Variants in ULK4 observed in about 807,000 individuals in gnomAD.
The protein encoded by ULK4 is inactive serine/threonine-protein kinase ULK4.
In ULK4, 133 loss-of-function variants were observed where a neutral mutation model predicts 160.6. The ratio of observed to expected loss-of-function variants is 0.83; its 90% CI spans 0.72 to 0.96. The LOEUF is 0.96. ULK4 is among the 40% of genes least tolerant of loss of function. The pLI is 0.00. For missense variants in ULK4, 1,580 were observed against 1,499.5 expected, an observed-to-expected ratio of 1.05 and a Z score of -0.89; for synonymous variants, 534 against 539.8, an observed-to-expected ratio of 0.99 and a Z score of 0.15.
chr3:41,792,039 C>T (rs915864280), intron 20 of ULK4, among the ~76,000 whole-genome samples: 1 of 152,144 alleles, frequency 6.6e-6, no homozygotes, highest in Non-Finnish European at 1.5e-5. Context: ...AGTGTGTCCT[C>T]TTTCAAAAAA....
chr3:41,298,792 A>G (rs1385909471), intron 35 of ULK4, among the ~76,000 whole-genome samples: 1 of 152,224 alleles, frequency 6.6e-6, no homozygotes, highest in Non-Finnish European at 1.5e-5. Flanking sequence ...CACCATGACC[A>G]ACCCAAAGGG....
chr3:41,576,626 C>T (rs1374803518), intron 31 of ULK4, among the ~76,000 whole-genome samples: 1 of 152,156 alleles, frequency 6.6e-6, no homozygotes, highest in Non-Finnish European at 1.5e-5. Flanking sequence ...TTATTGAGCA[C>T]CTAAAATTTG....
chr3:41,251,618 G>A (rs2078743664), intron 35 of ULK4, among the ~76,000 whole-genome samples: 2 of 152,214 alleles, frequency 1.3e-5, no homozygotes, highest in East Asian at 3.8e-4. Context: ...CTAGAGAGTA[G>A]ATGAAACCCC....
At chr3:41,807,194 T>G (rs996954671) in intron 19 of ULK4, among the ~76,000 whole-genome samples, 1 of 152,056 alleles carries the variant, frequency 6.6e-6, no homozygotes, top group African/African-American at 2.4e-5. Flanking sequence ...TATGATACCT[T>G]AATTAAAATA....
At position 41,510,590 on chromosome 3, in the gene ULK4, A is replaced by G. The variant is rs984281835; in HGVS notation, c.3227-47337T>C. ...TGGGCCATATGATAAAGCACAAAAT[A>G]AGTCTCAGTAAATTTTAAAAAATCG... On this transcript the variant is annotated intron_variant, in intron 32 of 36. Coordinates refer to ENST00000301831, the MANE Select transcript of ULK4 (RefSeq NM_017886.4). 2.0e-5 allele frequency among the ~76,000 whole-genome samples: 3 copies of G among 152,136 alleles called. No homozygotes were observed. In the East Asian group the frequency reaches 5.8e-4, roughly 29 times the overall value.
intron 18 of ULK4, among the ~76,000 whole-genome samples, chr3:41,825,899 C>A (rs1394740574): frequency 6.6e-6 from 1 of 152,152 alleles, no homozygotes; most frequent in Non-Finnish European, 1.5e-5. Flanking sequence ...ATGTTAAGGG[C>A]AGCCAGAGAG....
chr3:41,737,951 T>C (rs2038112427), intron 22 of ULK4, among the ~76,000 whole-genome samples: 1 of 151,984 alleles, frequency 6.6e-6, no homozygotes, highest in Admixed American at 6.5e-5. Flanking sequence ...CTATCTGATC[T>C]GTGGAGGTAG....
At chr3:41,372,098 A>C (rs1478177938) in intron 35 of ULK4, among the ~76,000 whole-genome samples, 1 of 151,992 alleles carries the variant, frequency 6.6e-6, no homozygotes, top group Non-Finnish European at 1.5e-5. Context: ...TTAGAGAAAA[A>C]AGAATGAAAA....
At chr3:41,542,752 G>T (rs2086737490) in intron 32 of ULK4, among the ~76,000 whole-genome samples, 2 of 152,050 alleles carry the variant, frequency 1.3e-5, no homozygotes, top group African/African-American at 2.4e-5. Context: ...GACTTGGGAG[G>T]TTGTATGTTT....
intron 25 of ULK4, among the ~76,000 whole-genome samples, chr3:41,714,344 A>G (rs62258609): frequency 0.033 from 4,960 of 152,298 alleles, 130 homozygotes; most frequent in Non-Finnish European, 0.05. Flanking sequence ...CTAGAAAACC[A>G]TATCCTCACT....
intron 17 of ULK4, among the ~76,000 whole-genome samples, chr3:41,842,411 T>C (rs1484774620): frequency 6.6e-6 from 1 of 152,218 alleles, no homozygotes; most frequent in Non-Finnish European, 1.5e-5. Context: ...AGTTTGGATA[T>C]TCATCCCCTC....
intron 35 of ULK4, among the ~76,000 whole-genome samples, chr3:41,327,082 T>C (rs1197961424): frequency 2.6e-5 from 4 of 152,222 alleles, no homozygotes; most frequent in East Asian, 1.9e-4. Context: ...TAGATCAGCA[T>C]AGAATTTTTG....
chr3:41,623,109 T>G (rs2033334689), intron 30 of ULK4, among the ~76,000 whole-genome samples: 1 of 152,198 alleles, frequency 6.6e-6, no homozygotes, highest in Non-Finnish European at 1.5e-5. Flanking sequence ...TATGATAAAT[T>G]ACAGAGCTTA....
chr3:41,931,092 C>T (rs1699578502), intron 5 of ULK4, among the ~76,000 whole-genome samples: 1 of 152,134 alleles, frequency 6.6e-6, no homozygotes, highest in South Asian at 2.1e-4. Flanking sequence ...AAATGCCCAT[C>T]AATGATAGAC....
At chr3:41,580,454 C>T (rs1021623339) in intron 31 of ULK4, among the ~76,000 whole-genome samples, 1 of 151,718 alleles carries the variant, frequency 6.6e-6, no homozygotes, top group African/African-American at 2.4e-5. Context: ...GTTTCATTTC[C>T]CCATACTCTG....
chr3:41,283,770 G>C (rs1298011551), intron 35 of ULK4, among the ~76,000 whole-genome samples: 2 of 151,714 alleles, frequency 1.3e-5, no homozygotes, highest in Non-Finnish European at 2.9e-5. Context: ...TTTTGCACAT[G>C]TACCGTAGAA....
chr3:41,824,219 T>G (rs2041255905), intron 18 of ULK4, among the ~76,000 whole-genome samples: 2 of 149,224 alleles, frequency 1.3e-5, no homozygotes, highest in African/African-American at 5.0e-5. Flanking sequence ...ACAGCTCCAG[T>G]CTACAGCTCC....
At chr3:41,505,791 A>C (rs1399557972) in intron 32 of ULK4, among the ~76,000 whole-genome samples, 3 of 152,064 alleles carry the variant, frequency 2.0e-5, no homozygotes, top group Non-Finnish European at 4.4e-5. Flanking sequence ...TTCTACTTTT[A>C]ATGCATCTAT....
chr3:41,500,546 G>A (rs1375511105), intron 32 of ULK4, among the ~76,000 whole-genome samples: 1 of 152,134 alleles, frequency 6.6e-6, no homozygotes, highest in Non-Finnish European at 1.5e-5. Flanking sequence ...AGTGGAGTGG[G>A]AGTCCTCAAA....
Sources: gnomAD v4.1 joint callset for allele counts (sites outside exome capture counted in the v4.1 genomes callset) on GRCh38, gnomAD v4.1.1 for gene constraint, MANE v1.5 for transcripts, NCBI Gene and HGNC (gene_info 2026-07-23, HGNC 2026-07-21) for gene names.